Variants in ITPRIP observed in about 807,000 individuals in gnomAD.
ITPRIP encodes inositol 1,4,5-trisphosphate receptor-interacting protein.
ITPRIP carries 32 observed loss-of-function variants against 35.8 expected under a neutral mutation model. That is an observed-to-expected ratio of 0.89 (90% CI 0.68 to 1.20). The LOEUF (loss-of-function observed/expected upper bound fraction) is 1.20, where lower values mean the gene tolerates loss of function less well. Ranked by LOEUF, ITPRIP falls within the 50% of genes most tolerant of loss-of-function variation. The pLI, the probability that ITPRIP is intolerant of heterozygous loss-of-function variation, is 0.00. For synonymous variants in ITPRIP, 358 were observed against 324.0 expected (o/e 1.11, Z -1.13); for missense variants, 653 against 735.6 (o/e 0.89, Z 1.30).
chr10:104,314,861 C>T lies in ITPRIP; in HGVS notation c.1191G>A (p.Lys397=), dbSNP rs2135176924. 1.9e-6 allele frequency: 3 copies of T among 1,613,774 alleles called. No individual in the cohort carries two copies. The highest frequency in any genetic ancestry group is 2.7e-5 in the African/African-American group (2 of 75,054). Residue 397 remains lysine, a synonymous_variant, in exon 2 of 2, where the codon AAG becomes AAA. Coordinates refer to ENST00000337478, the MANE Select transcript of ITPRIP (RefSeq NM_001272013.2). ...GGTGGCAGGCGCCCTCGGGCAGTGC[C>T]TTTAGTGTCGTCCTGAGGAAGTGTC... The part of the protein sequence containing the change: ...YERHFLRTTL[K]ALPEGACHLS...
Position 104,314,633 on chromosome 10 carries a change from C to T in ITPRIP, c.1419G>A (p.Lys473=), listed in dbSNP as rs2013583759. ...CFLEKSLLQK[K]LHHFFIGNRK... ...GGTTGCCGATGAAGAAGTGGTGGAG[C>T]TTCTTCTGGAGCAAGCTCTTCTCCA... The change falls in exon 2 of 2, where the codon AAG becomes AAA. Residue 473 remains lysine (K), a synonymous_variant. Transcript: ENST00000337478. The T allele has an allele frequency of 6.2e-7, 1 of 1,614,102 alleles. No individual in the cohort carries two copies. Among genetic ancestry groups the T allele is most frequent in the Non-Finnish European group, 8.5e-7 (1 of 1,180,004 alleles).
intron 1 of ITPRIP, among the ~76,000 whole-genome samples, chr10:104,324,283 C>T (rs2013931716): frequency 6.6e-6 from 1 of 152,224 alleles, no homozygotes. Flanking sequence ...CAGGGCATCT[C>T]TGGCTGGGTC....
chr10:104,317,341 A>G (rs1310269916), intron 1 of ITPRIP, among the ~76,000 whole-genome samples: 2 of 152,184 alleles, frequency 1.3e-5, no homozygotes, highest in African/African-American at 4.8e-5. Context: ...CAATCTTTGC[A>G]ATTCGAAGTA....
chr10:104,314,095 T>TCTAA lies in ITPRIP; in HGVS notation c.*309_*312dup. 1 of 1,135,328 alleles carries TCTAA rather than the reference T, an allele frequency of 8.8e-7. No individual in the cohort carries two copies. 70.3% of individuals were successfully genotyped at this position (1,135,328 alleles called of 1,614,324 possible). On this transcript the variant is annotated 3_prime_UTR_variant, in exon 2 of 2. Coordinates refer to ENST00000337478, the MANE Select transcript of ITPRIP (RefSeq NM_001272013.2). ...CACCCAATCCAACATTTGCATTGTC[T>TCTAA]CTAACTCAGGGTCCACAGCGTGTTC... is the stretch of plus-strand genomic sequence containing the variant.
rs1472753434 is a variant in ITPRIP, at chr10:104,326,253, C to A, written c.-13-10189G>T. On this transcript the variant is annotated intron_variant, in intron 1 of 1. Transcript: ENST00000337478. The surrounding 1 kb of genome is among the most constrained non-coding windows in gnomAD (Gnocchi z 4.8). ...GCAGAGGCACAGGAAGGACAGAGGG[C>A]TGGACTCTGCTGGCTCTGGGTGGGT... 1 of 152,232 alleles carries A rather than the reference C, an allele frequency of 6.6e-6. No individual in the cohort carries two copies. The highest frequency in any genetic ancestry group is 1.5e-5 in the Non-Finnish European group (1 of 68,064). The allele number at this position is 152,232 out of a possible 1,614,324, so 9.4% of individuals were successfully genotyped here.
chr10:104,327,462 C>A (rs1259167005), intron 1 of ITPRIP, among the ~76,000 whole-genome samples: 1 of 152,108 alleles, frequency 6.6e-6, no homozygotes, highest in Non-Finnish European at 1.5e-5. Flanking sequence ...AGCTCCTGCA[C>A]CTCCCCACCA....
intron 1 of ITPRIP, among the ~76,000 whole-genome samples, chr10:104,325,081 G>A (rs56057007): frequency 0.1 from 15,868 of 152,208 alleles, 1,177 homozygotes; most frequent in Non-Finnish European, 0.16. Flanking sequence ...CTAGCTGGGC[G>A]TGGTGGCACA....
chr10:104,331,911 T>C (rs568798149), intron 1 of ITPRIP, among the ~76,000 whole-genome samples: 10 of 152,306 alleles, frequency 6.6e-5, no homozygotes, highest in African/African-American at 2.4e-4. Flanking sequence ...CTGGAGTTGG[T>C]GGTCTGCTTG....
At position 104,315,036 on chromosome 10, in the gene ITPRIP, C is replaced by T. The variant is rs202170133; in HGVS notation, c.1016G>A (p.Arg339His). 3.4e-5 allele frequency: 55 copies of T among 1,614,158 alleles called. No individual in the cohort carries two copies. The highest frequency in any genetic ancestry group is 1.2e-4 in the Admixed American group (7 of 60,024). ...DSPGSLKIKF[R>H]SGKFMPFNLI... ...GTTGAAGGGCATGAACTTCCCTGAA[C>T]GGAACTTGATCTTCAGGGACCCCGG... The change falls in exon 2 of 2, where the codon CGT (arginine) becomes CAT (histidine). Residue 339 changes from arginine (R) to histidine (H), a missense_variant. Transcript: ENST00000337478. The surrounding 1 kb of genome is among the most constrained non-coding windows in gnomAD (Gnocchi z 5.7).
Position 104,315,971 on chromosome 10 carries a change from G to T in ITPRIP, c.81C>A (p.Asn27Lys), listed in dbSNP as rs763408470. 6 of 1,613,310 alleles carry T rather than the reference G, an allele frequency of 3.7e-6. No individual in the cohort carries two copies. Among genetic ancestry groups the T allele is most frequent in the Non-Finnish European group, 5.1e-6 (6 of 1,179,854 alleles). The change falls in exon 2 of 2, where the codon AAC becomes AAA. Residue 27 changes from asparagine to lysine, a missense_variant. By Grantham distance (94) the Asn-to-Lys change is moderately conservative (BLOSUM62 0). Coordinates refer to ENST00000337478, the MANE Select transcript of ITPRIP (RefSeq NM_001272013.2). This position sits in a 1 kb window ranked among gnomAD's most constrained non-coding sequence, Gnocchi z 5.7. ...CCTCCTCGTTCTCGGGGACTGTGGCGTTCTCCCGCGGGAACAGCAGCGGGT... is the reference window on the plus strand; with the variant it reads ...CCTCCTCGTTCTCGGGGACTGTGGCTTTCTCCCGCGGGAACAGCAGCGGGT... ...INHPLLFPRE[N>K]ATVPENEEEI... is the part of the protein sequence containing the mutation.
At chr10:104,316,186 C>T (rs2013682479) in intron 1 of ITPRIP, 122 bp from the exon 2 acceptor site, 4 of 813,022 alleles carry the variant, frequency 4.9e-6, no homozygotes, top group South Asian at 1.9e-5. Context: ...CCCAACCCAT[C>T]GAGAGCTCCC....
rs1167080627 is a variant in ITPRIP at position 104,313,078 on chromosome 10, C to T, written c.*1330G>A. ...TCATCTGTGTGGTCAGCAGTGCCCA[C>T]ACAGAAGGGGTGGGTTCTGTGCAGT... On this transcript the variant is annotated 3_prime_UTR_variant, in exon 2 of 2. Coordinates refer to ENST00000337478, the MANE Select transcript of ITPRIP (RefSeq NM_001272013.2). 1 of 985,418 alleles carries T rather than the reference C, an allele frequency of 1.0e-6. No individual in the cohort carries two copies. The highest frequency in any genetic ancestry group is 1.2e-6 in the Non-Finnish European group (1 of 829,958). 61.0% of individuals were successfully genotyped at this position (985,418 alleles called of 1,614,324 possible).
chr10:104,329,025 T>C (rs1564866458), intron 1 of ITPRIP: 2 of 150,992 alleles, frequency 1.3e-5, no homozygotes, highest in Non-Finnish European at 2.9e-5. Flanking sequence ...AGAAGCGCTG[T>C]GGGCCTCCTG....
At position 104,314,682 on chromosome 10, in the gene ITPRIP, C is replaced by G; in HGVS notation, c.1370G>C (p.Arg457Pro). ...CAGGAAGCACAGCAACTCGTGCAGA[C>G]GAGCGTCCAGCTGCCCCGCCTTCCA... ...ADWKAGQLDA[R>P]LHELLCFLEK... The change falls in exon 2 of 2, where the codon CGT (arginine) becomes CCT (proline). Residue 457 changes from arginine to proline, a missense_variant. Physicochemically the swap from Arg to Pro is moderately radical, Grantham distance 103 (BLOSUM62 -2). Coordinates refer to ENST00000337478, the MANE Select transcript of ITPRIP (RefSeq NM_001272013.2). 2.5e-6 allele frequency: 4 copies of G among 1,613,832 alleles called. No homozygotes were observed. The highest frequency in any genetic ancestry group is 3.4e-6 in the Non-Finnish European group (4 of 1,179,918).
Position 104,315,236 on chromosome 10 carries a change from G to A in ITPRIP, c.816C>T (p.Gly272=). The stretch of plus-strand genomic sequence containing the variant: ...CGCAGGGAGGCGCCATGCTGTTCCT[G>A]CCGTGCAGGAGACACAGCATGTCTT... ...LGEDMLCLLH[G]RNSMAPPCGD... is the part of the protein sequence containing the mutation. The change falls in exon 2 of 2, where the codon GGC becomes GGT. Residue 272 remains glycine, a synonymous_variant. Coordinates refer to ENST00000337478, the MANE Select transcript of ITPRIP (RefSeq NM_001272013.2). This position sits in a 1 kb window ranked among gnomAD's most constrained non-coding sequence, Gnocchi z 5.7. 1 of 1,613,362 alleles carries A rather than the reference G, an allele frequency of 6.2e-7. No individual in the cohort carries two copies. The highest frequency in any genetic ancestry group is 8.5e-7 in the Non-Finnish European group (1 of 1,179,604).
intron 1 of ITPRIP, among the ~76,000 whole-genome samples, chr10:104,317,931 C>A (rs755797004): frequency 5.9e-5 from 9 of 152,234 alleles, no homozygotes; most frequent in Non-Finnish European, 1.0e-4. Context: ...CCACCCCATA[C>A]ACAGCTGGAC....
At chr10:104,334,561 TA>T (rs1383987164) in intron 1 of ITPRIP, among the ~76,000 whole-genome samples, 2 of 152,094 alleles carry the variant, frequency 1.3e-5, no homozygotes, top group African/African-American at 2.4e-5. Context: ...GTAAATAAAA[TA>T]AAAAATTACT....
At position 104,328,278 on chromosome 10, in the gene ITPRIP, C is replaced by T. The variant is rs2014073801; in HGVS notation, c.-14+9968G>A. Reference sequence around the variant, plus strand: ...CATTGGCTTGGTCTGGGCTCGTATTCCTCCGAATTTCCCCTAGCCCTGTGG... The same window carrying T: ...CATTGGCTTGGTCTGGGCTCGTATTTCTCCGAATTTCCCCTAGCCCTGTGG... On this transcript the variant is annotated intron_variant, in intron 1 of 1. Transcript: ENST00000337478. The surrounding 1 kb of genome is among the most constrained non-coding windows in gnomAD (Gnocchi z 4.1). The T allele has an allele frequency of 2.0e-6, 2 of 985,312 alleles. No homozygotes were observed. The highest frequency in any genetic ancestry group is 1.7e-5 in the African/African-American group (1 of 57,224). The allele number at this position is 985,312 out of a possible 1,614,324, so 61.0% of individuals were successfully genotyped here.
Position 104,315,851 on chromosome 10 carries a change from C to T in ITPRIP, c.201G>A (p.Glu67=). The change falls in exon 2 of 2, where the codon GAG becomes GAA. Residue 67 remains glutamate, a synonymous_variant. Coordinates refer to ENST00000337478, the MANE Select transcript of ITPRIP (RefSeq NM_001272013.2). The surrounding 1 kb of genome is among the most constrained non-coding windows in gnomAD (Gnocchi z 5.7). ...EEVARLAAEK[E]ALEQVAEEGR... The stretch of plus-strand genomic sequence containing the variant: ...CCTCCTCCGCCACCTGCTCCAGTGC[C>T]TCCTTTTCGGCCGCCAGCCGAGCCA... 3 of 1,613,220 alleles carry T rather than the reference C, an allele frequency of 1.9e-6. No homozygotes were observed. The highest frequency in any genetic ancestry group is 1.7e-6 in the Non-Finnish European group (2 of 1,179,462).
Sources: allele counts gnomAD v4.1 joint callset (sites outside exome capture counted in the v4.1 genomes callset), GRCh38; gene constraint gnomAD v4.1.1; non-coding constraint Gnocchi (gnomAD v3.1); transcripts MANE v1.5; gene names NCBI Gene and HGNC (gene_info 2026-07-23, HGNC 2026-07-21).